The following CDH11 variants were observed in gnomAD, a reference collection of about 807,000 sequenced individuals.
The protein encoded by CDH11 is cadherin-11.
A neutral mutation model predicts 67.8 loss-of-function variants in CDH11; 11 were observed. The ratio of observed to expected loss-of-function variants is 0.16; its 90% CI spans 0.10 to 0.27. The LOEUF is 0.27. Among genes scored for constraint, CDH11 ranks in the 10% least tolerant of loss-of-function variants. CDH11 has a pLI of 1.00. For missense variants in CDH11, 847 were observed against 1,031.2 expected (o/e 0.82, Z 2.45); for synonymous variants, 419 against 400.0 (o/e 1.05, Z -0.57).
chr16:65,043,468 G>T (rs574474637), intron 2 of CDH11, among the ~76,000 whole-genome samples: 1 of 152,102 alleles, frequency 6.6e-6, no homozygotes, highest in East Asian at 1.9e-4. Flanking sequence ...CACCCTGCAT[G>T]GTCATCTGGG....
chr16:65,029,324 C>T (rs1451291625), intron 2 of CDH11, among the ~76,000 whole-genome samples: 5 of 151,936 alleles, frequency 3.3e-5, no homozygotes, highest in African/African-American at 9.7e-5. Flanking sequence ...AAGAAATGTT[C>T]GCAGGGCCAT....
chr16:65,069,621 T>G (rs2074380991), intron 1 of CDH11, among the ~76,000 whole-genome samples: 1 of 152,170 alleles, frequency 6.6e-6, no homozygotes, highest in Non-Finnish European at 1.5e-5. Flanking sequence ...AACAAGCCAA[T>G]TTATTCCAAA....
intron 11 of CDH11, among the ~76,000 whole-genome samples, chr16:64,958,576 A>C (rs936127905): frequency 1.3e-5 from 2 of 152,204 alleles, no homozygotes; most frequent in African/African-American, 4.8e-5. Flanking sequence ...AGAAACTAAG[A>C]GGGAAGCAAT....
At chr16:64,961,085 G>C (rs975834632) in intron 11 of CDH11, among the ~76,000 whole-genome samples, 4 of 152,016 alleles carry the variant, frequency 2.6e-5, no homozygotes, top group Non-Finnish European at 5.9e-5. Flanking sequence ...GACGCTTCCT[G>C]GCACTCATTT....
At chr16:64,949,440 T>C (rs76399986) in intron 12 of CDH11, among the ~76,000 whole-genome samples, 5 of 150,222 alleles carry the variant, frequency 3.3e-5, no homozygotes, top group Non-Finnish European at 7.4e-5. Flanking sequence ...TTTTTTTTTT[T>C]TTTGAGACAG....
At chr16:65,003,084 G>GTT (rs36008729) in intron 3 of CDH11, among the ~76,000 whole-genome samples, 2 of 117,436 alleles carry the variant, frequency 1.7e-5, no homozygotes, top group East Asian at 2.5e-4. Context: ...ATCTATCTTT[G>GTT]TTTTTTTTTT....
rs114147647 is a variant in CDH11, at chr16:64,979,985, T to G, written c.1253+2063A>C. The stretch of plus-strand genomic sequence containing the variant: ...AGTTACATAAGACCACATGTTGTAT[T>G]ATTCCATTTATATGAAATGTCCAGA... On this transcript the variant is annotated intron_variant, in intron 8 of 12. Transcript: ENST00000268603. 2.6e-3 allele frequency among the ~76,000 whole-genome samples: 400 copies of G among 152,334 alleles called. 2 individuals are homozygous for G. Among genetic ancestry groups the G allele is most frequent in the Middle Eastern group, 0.017 (5 of 294 alleles).
At chr16:65,111,712 C>T (rs573340880) in intron 1 of CDH11, among the ~76,000 whole-genome samples, 1 of 148,118 alleles carries the variant, frequency 6.8e-6, no homozygotes, top group South Asian at 2.2e-4. Context: ...CACACACACA[C>T]AAATGGGGAG....
In CDH11 at chr16:65,004,945, T is replaced by C; in HGVS notation, c.-76A>G. ...AACTGTACGGTGGTCTTGCTGAGGG[T>C]GGCCTCCCGGACGCGTCACGCAGAC... On this transcript the variant is annotated 5_prime_UTR_variant, in exon 3 of 13. Transcript: ENST00000268603. 6.9e-7 allele frequency: 1 copy of C among 1,443,602 alleles called. No homozygotes were observed. 89.4% of individuals were successfully genotyped at this position (1,443,602 alleles called of 1,614,324 possible). A position where few individuals can be genotyped will look rare whatever the true frequency, so the allele number is the denominator to read the frequency against.
chr16:65,100,943 A>G (rs993796105), intron 1 of CDH11, among the ~76,000 whole-genome samples: 1 of 152,094 alleles, frequency 6.6e-6, no homozygotes, highest in Non-Finnish European at 1.5e-5. Context: ...TTATCAAGGG[A>G]GCAGTTCTGA....
At chr16:64,974,989 A>AT (rs1005041861) in intron 8 of CDH11, among the ~76,000 whole-genome samples, 1 of 151,848 alleles carries the variant, frequency 6.6e-6, no homozygotes, top group Non-Finnish European at 1.5e-5. Flanking sequence ...TGGAATGCGT[A>AT]TTTTTTTTCC....
chr16:65,120,567 A>T (rs1324629949), intron 1 of CDH11, among the ~76,000 whole-genome samples: 1 of 152,190 alleles, frequency 6.6e-6, no homozygotes, highest in Non-Finnish European at 1.5e-5. Context: ...CTATACCCTC[A>T]TACAGCCGGG....
intron 2 of CDH11, among the ~76,000 whole-genome samples, chr16:65,018,876 G>A (rs753516832): frequency 1.2e-4 from 18 of 152,116 alleles, no homozygotes; most frequent in Non-Finnish European, 2.5e-4. Context: ...GAGGATGAAA[G>A]CAACACACCA....
intron 11 of CDH11, among the ~76,000 whole-genome samples, chr16:64,969,169 T>A (rs1248057866): frequency 1.3e-5 from 2 of 152,200 alleles, no homozygotes; most frequent in African/African-American, 4.8e-5. Flanking sequence ...CAAAGTATTG[T>A]GACAAAGTAA....
intron 1 of CDH11, among the ~76,000 whole-genome samples, chr16:65,080,147 A>G (rs1002444628): frequency 2.6e-5 from 4 of 152,100 alleles, no homozygotes; most frequent in Admixed American, 6.5e-5. Context: ...ATGCATTTCT[A>G]CTGAGAAGTC....
chr16:64,993,702 C>A (rs1242820273), intron 4 of CDH11, among the ~76,000 whole-genome samples: 8 of 152,064 alleles, frequency 5.3e-5, no homozygotes, highest in Admixed American at 5.2e-4. Context: ...CGAAGGGAAA[C>A]CAGGAAATTG....
chr16:65,012,849 C>T (rs992835845), intron 2 of CDH11, among the ~76,000 whole-genome samples: 3 of 152,194 alleles, frequency 2.0e-5, no homozygotes, highest in Non-Finnish European at 4.4e-5. Context: ...GTATGAATCA[C>T]TTGTTCAGAT....
At chr16:65,112,508 A>G (rs1031725815) in intron 1 of CDH11, among the ~76,000 whole-genome samples, 1 of 152,202 alleles carries the variant, frequency 6.6e-6, no homozygotes, top group African/African-American at 2.4e-5. Context: ...CAGACCTAGT[A>G]TTCTCTGTGC....
upstream of CDH11, among the ~76,000 whole-genome samples, chr16:65,122,703 G>T (rs2075355410): frequency 6.6e-6 from 1 of 152,010 alleles, no homozygotes; most frequent in Admixed American, 6.5e-5. Context: ...TGGTGAAGTC[G>T]GGCGGGGAGG....
Sources: gnomAD v4.1 joint callset for allele counts (sites outside exome capture counted in the v4.1 genomes callset) on GRCh38, gnomAD v4.1.1 for gene constraint, MANE v1.5 for transcripts, NCBI Gene and HGNC (gene_info 2026-07-23, HGNC 2026-07-21) for gene names.